The following SH3TC1 variants were observed in gnomAD, a reference collection of about 807,000 sequenced individuals.
SH3TC1 encodes the protein SH3 domain and tetratricopeptide repeats 1.
SH3TC1 carries 135 observed loss-of-function variants against 117.3 expected under a neutral mutation model. The ratio of observed to expected loss-of-function variants is 1.15; its 90% CI spans 1.00 to 1.33. SH3TC1 has a LOEUF of 1.33. Among genes scored for constraint, SH3TC1 ranks in the 40% most tolerant of loss-of-function variants. The pLI is 0.00. For missense variants in SH3TC1, 2,092 were observed against 1,794.3 expected (o/e 1.17, Z -3.00); for synonymous variants, 898 against 816.9 (o/e 1.10, Z -1.69).
In SH3TC1 at chr4:8,210,373, C is replaced by A. The variant is rs1340801521; in HGVS notation, c.247+551C>A. Among the ~76,000 whole-genome samples, 1 of 152,266 alleles carries A rather than the reference C, an allele frequency of 6.6e-6. No individual in the cohort carries two copies. The highest frequency in any genetic ancestry group is 2.4e-5 in the African/African-American group (1 of 41,480). ...ATCCATTGCTGGCTTTGCCCCTTGG[C>A]GGTGATGCCCGACTGTCCTTTGACT... On this transcript the variant is annotated intron_variant, in intron 3 of 17. Transcript: ENST00000245105. This position sits in a 1 kb window ranked among gnomAD's most constrained non-coding sequence, Gnocchi z 4.1.
chr4:8,236,504 G>A lies in SH3TC1; in HGVS notation c.3556+76G>A, dbSNP rs1721832208. 10 of 1,407,776 alleles carry A rather than the reference G, an allele frequency of 7.1e-6. No homozygotes were observed. The East Asian group carries it at 2.9e-4, about 41-fold the overall frequency. The allele number at this position is 1,407,776 out of a possible 1,614,324, so 87.2% of individuals were successfully genotyped here. A position where few individuals can be genotyped will look rare whatever the true frequency, so the allele number is the denominator to read the frequency against. Reference sequence around the variant, plus strand: ...CAGCCTCCAGGTCTGCAGGGCAGGAGCCGAAACAGCTGCCGGATTTTCCTG... The same window carrying A: ...CAGCCTCCAGGTCTGCAGGGCAGGAACCGAAACAGCTGCCGGATTTTCCTG... On this transcript the variant is annotated intron_variant, in intron 16 of 17. Coordinates refer to ENST00000245105, the MANE Select transcript of SH3TC1 (RefSeq NM_018986.5).
chr4:8,198,976 C>T (rs1717661393), upstream of SH3TC1, among the ~76,000 whole-genome samples: 1 of 152,230 alleles, frequency 6.6e-6, no homozygotes, highest in Non-Finnish European at 1.5e-5. Context: ...GGAAGAGGAA[C>T]AGAGATCAGA....
At chr4:8,230,783 C>CT (rs59242411) in intron 12 of SH3TC1, among the ~76,000 whole-genome samples, 70,715 of 133,648 alleles carry the variant, frequency 0.53, 19,470 homozygotes, top group East Asian at 0.69. Flanking sequence ...ATATGCTGTG[C>CT]TTTTTTTTTT....
At position 8,216,100 on chromosome 4, in the gene SH3TC1, G is replaced by C; in HGVS notation, c.482-11G>C. 1 of 1,612,268 alleles carries C rather than the reference G, an allele frequency of 6.2e-7. No individual in the cohort carries two copies. Among genetic ancestry groups the C allele is most frequent in the Non-Finnish European group, 8.5e-7 (1 of 1,179,750 alleles). On this transcript the variant is annotated splice_polypyrimidine_tract_variant and intron_variant, in intron 5 of 17. Coordinates refer to ENST00000245105, the MANE Select transcript of SH3TC1 (RefSeq NM_018986.5). ...CTGGAGCCCTCGGGTGACTGGGCCT[G>C]GCCTCCACAGGCTTCACTCATCACT... is the stretch of plus-strand genomic sequence containing the variant.
rs371685302 is a variant in SH3TC1, at chr4:8,205,664, C to T, written c.172+298C>T. ...CCTTTGAACCCCCATGTTCAGAGAC[C>T]GTTCCAGAAACAGTCCGATGGGTTT... On this transcript the variant is annotated intron_variant, in intron 2 of 17. Coordinates refer to ENST00000245105, the MANE Select transcript of SH3TC1 (RefSeq NM_018986.5). This position sits in a 1 kb window ranked among gnomAD's most constrained non-coding sequence, Gnocchi z 5.4. 12 of 760,200 alleles carry T rather than the reference C, an allele frequency of 1.6e-5. No homozygotes were observed. The highest frequency in any genetic ancestry group is 3.4e-5 in the African/African-American group (2 of 59,024). 47.1% of individuals were successfully genotyped at this position (760,200 alleles called of 1,614,324 possible).
rs918915931 is a variant in SH3TC1, at chr4:8,219,406, G to A, written c.988G>A (p.Asp330Asn). The A allele has an allele frequency of 3.7e-6, 6 of 1,611,300 alleles. No homozygotes were observed. The highest frequency in any genetic ancestry group is 3.3e-5 in the Admixed American group (2 of 59,940). ...CGAAGAGATGACCTTCCGAGGTGGC[G>A]ACCTCATCGAGATCCTTGGGGCGCA... is the stretch of plus-strand genomic sequence containing the variant. ...GPEEMTFRGG[D>N]LIEILGAQVP... The change falls in exon 9 of 18, where the codon GAC becomes AAC. Residue 330 changes from aspartate to asparagine, a missense_variant. Asp to Asn is a conservative substitution (Grantham distance 23). Transcript: ENST00000245105.
At position 8,227,092 on chromosome 4, in the gene SH3TC1, G is replaced by T; in HGVS notation, c.1398G>T (p.Trp466Cys). Residue 466 changes from tryptophan to cysteine, a missense_variant, in exon 12 of 18, where the codon TGG (tryptophan) becomes TGT (cysteine). Trp to Cys is a radical substitution (Grantham distance 215, BLOSUM62 -2). Coordinates refer to ENST00000245105, the MANE Select transcript of SH3TC1 (RefSeq NM_018986.5). ...CPGCPQEPAS[W>C]GLCAASSDVS... ...GCTGCCCCCAGGAGCCAGCGTCCTG[G>T]GGTCTCTGTGCGGCATCCAGCGACG... 6.2e-7 allele frequency: 1 copy of T among 1,612,410 alleles called. No homozygotes were observed. Among genetic ancestry groups the T allele is most frequent in the Non-Finnish European group, 8.5e-7 (1 of 1,179,544 alleles).
Position 8,231,854 on chromosome 4 carries a change from G to A in SH3TC1, c.2951-122G>A, listed in dbSNP as rs1232096461. On this transcript the variant is annotated intron_variant, in intron 12 of 17. Transcript: ENST00000245105. ...GTCACGGTGTGCTCAGCGGTTCCCCGCCTGTGGGGCCCAGGCTCACAGAGG... is the reference window on the plus strand; with the variant it reads ...GTCACGGTGTGCTCAGCGGTTCCCCACCTGTGGGGCCCAGGCTCACAGAGG... 5.5e-5 allele frequency: 66 copies of A among 1,199,944 alleles called. 1 individual carries two copies. The highest frequency in any genetic ancestry group is 1.1e-4 in the Admixed American group (5 of 46,716). 74.3% of individuals were successfully genotyped at this position (1,199,944 alleles called of 1,614,324 possible).
At chr4:8,232,906 T>G in intron 13 of SH3TC1, 1 of 1,200,378 alleles carries the variant, frequency 8.3e-7, no homozygotes, top group Non-Finnish European at 1.1e-6. Context: ...ACCTAGGAGC[T>G]TGTGGCAAGT....
chr4:8,229,905 T>C (rs1384303103), intron 12 of SH3TC1, among the ~76,000 whole-genome samples: 1 of 150,904 alleles, frequency 6.6e-6, no homozygotes, highest in Non-Finnish European at 1.5e-5. Flanking sequence ...ACGAGGATCA[T>C]GCTTCCCTGT....
intron 1 of SH3TC1, among the ~76,000 whole-genome samples, chr4:8,187,036 T>C (rs1207437578): frequency 6.6e-6 from 1 of 151,934 alleles, no homozygotes; most frequent in African/African-American, 2.4e-5. Flanking sequence ...TTGCCCTCTC[T>C]GACACCTGCC....
Position 8,216,989 on chromosome 4 carries a change from G to A in SH3TC1, c.661G>A (p.Val221Met), listed in dbSNP as rs1250137651. The part of the protein sequence containing the change: ...PFFVLCPDHH[V>M]RVMTGPRDAG... ...CTTTGTCCTGTGTCCTGACCACCAT[G>A]TGAGAGTGATGACGGGTCCCCGGGA... is the stretch of plus-strand genomic sequence containing the variant. The change falls in exon 7 of 18, where the codon GTG becomes ATG. Residue 221 changes from valine to methionine, a missense_variant. Coordinates refer to ENST00000245105, the MANE Select transcript of SH3TC1 (RefSeq NM_018986.5). 3.1e-6 allele frequency: 5 copies of A among 1,613,938 alleles called. No homozygotes were observed. Among genetic ancestry groups the A allele is most frequent in the East Asian group, 2.2e-5 (1 of 44,900 alleles).
At chr4:8,208,559 G>A (rs1042656943) in intron 2 of SH3TC1, among the ~76,000 whole-genome samples, 1 of 151,958 alleles carries the variant, frequency 6.6e-6, no homozygotes, top group African/African-American at 2.4e-5. Context: ...GTAAAGATGG[G>A]GTTTACCATG....
upstream of SH3TC1, among the ~76,000 whole-genome samples, chr4:8,197,566 T>G (rs944626817): frequency 2.6e-5 from 4 of 152,182 alleles, no homozygotes; most frequent in Non-Finnish European, 5.9e-5. Flanking sequence ...CAAAGTGTCC[T>G]TTGGTGCCTC....
At chr4:8,234,222 A>AT (rs1721583013) in intron 14 of SH3TC1, among the ~76,000 whole-genome samples, 2 of 146,880 alleles carry the variant, frequency 1.4e-5, no homozygotes, top group African/African-American at 5.1e-5. Flanking sequence ...CCATCCTTCC[A>AT]TCATCCATCC....
chr4:8,216,821 C>A, intron 6 of SH3TC1, 136 bp from the exon 7 acceptor site: 1 of 843,272 alleles, frequency 1.2e-6, no homozygotes. Flanking sequence ...CCCTTTGGGT[C>A]TCTGTGCCTG....
At chr4:8,195,372 G>C (rs1427609556), upstream of SH3TC1, among the ~76,000 whole-genome samples, 1 of 152,164 alleles carries the variant, frequency 6.6e-6, no homozygotes, top group Non-Finnish European at 1.5e-5. Context: ...CTGGCAGGCA[G>C]GGCTGTGTGT....
chr4:8,221,512 A>C (rs754775774), intron 9 of SH3TC1, among the ~76,000 whole-genome samples: 8 of 152,156 alleles, frequency 5.3e-5, no homozygotes, highest in Non-Finnish European at 1.0e-4. Flanking sequence ...CAAAAAGAGT[A>C]TAACATTCCC....
At chr4:8,231,151 A>C (rs1721168198) in intron 12 of SH3TC1, 1 of 151,980 alleles carries the variant, frequency 6.6e-6, no homozygotes, top group African/African-American at 2.4e-5. Context: ...TCTTTCACTC[A>C]CTGGTTGTTT....
Sources: allele counts gnomAD v4.1 joint callset (sites outside exome capture counted in the v4.1 genomes callset), GRCh38; gene constraint gnomAD v4.1.1; non-coding constraint Gnocchi (gnomAD v3.1); transcripts MANE v1.5; gene names NCBI Gene and HGNC (gene_info 2026-07-23, HGNC 2026-07-21).